FAM149A: variants seen among roughly 807,000 people sequenced by gnomAD.
The protein encoded by FAM149A is family with sequence similarity 149 member A.
FAM149A carries 71 observed loss-of-function variants against 78.2 expected under a neutral mutation model. The ratio of observed to expected loss-of-function variants is 0.91; its 90% CI spans 0.75 to 1.11. The LOEUF (loss-of-function observed/expected upper bound fraction) is 1.11, where lower values mean the gene tolerates loss of function less well. Ranked by LOEUF, FAM149A falls within the 50% of genes least tolerant of loss-of-function variation. FAM149A has a pLI of 0.00. For missense variants in FAM149A, 1,036 were observed against 971.0 expected (o/e 1.07, Z -0.89); for synonymous variants, 446 against 410.5 (o/e 1.09, Z -1.04).
intron 1 of FAM149A, chr4:186,110,160 AATGG>A: frequency 1.0e-6 from 1 of 985,422 alleles, no homozygotes; most frequent in Non-Finnish European, 1.2e-6. Flanking sequence ...ATATTTATTG[AATGG>A]ATGAAGAAAA....
Position 186,175,197 on chromosome 4 carries a change from A to G in FAM149A, c.*3210A>G, listed in dbSNP as rs6825250. ...AAGTACGTTTTTATATATCATTTGG[A>G]TATTATATTTTTTATTGTTTTATTA... On this transcript the variant is annotated 3_prime_UTR_variant, in exon 14 of 14. Coordinates refer to ENST00000389354, the MANE Select transcript of FAM149A (RefSeq NM_001367768.3). Among the ~76,000 whole-genome samples, 32,518 of 110,666 alleles carry G rather than the reference A, an allele frequency of 0.29. 12,731 individuals carry two copies. Among genetic ancestry groups the G allele is most frequent in the African/African-American group, 0.68 (23,961 of 35,294 alleles). 72.6% of individuals were successfully genotyped at this position (110,666 alleles called of 152,430 possible).
chr4:186,105,452 C>T lies in FAM149A; in HGVS notation c.376C>T (p.Pro126Ser). 8.2e-7 allele frequency: 1 copy of T among 1,215,330 alleles called. No homozygotes were observed. The highest frequency in any genetic ancestry group is 1.7e-5 in the African/African-American group (1 of 60,590). 75.3% of individuals were successfully genotyped at this position (1,215,330 alleles called of 1,614,324 possible). The stretch of plus-strand genomic sequence containing the variant: ...CTGCTCCCCTGCTCGCCTGGTGGTC[C>T]CAGCGCGGCCGCCCTCGGGCCCCGG... The change falls in exon 1 of 14, where the codon CCA becomes TCA. Residue 126 changes from proline (P) to serine (S), a missense_variant. This residue lies in a region of FAM149A where 316 missense variants were observed against 241.9 expected (regional missense o/e 1.31). Transcript: ENST00000389354.
intron 3 of FAM149A, chr4:186,151,636 CTA>C (rs1208842469): frequency 1.4e-6 from 1 of 691,490 alleles, no homozygotes; most frequent in Admixed American, 6.3e-5. Context: ...ATACCTCTAT[CTA>C]TGCAAATTCT....
intron 1 of FAM149A, among the ~76,000 whole-genome samples, chr4:186,138,571 C>G (rs150156703): frequency 5.9e-5 from 9 of 152,276 alleles, no homozygotes; most frequent in African/African-American, 2.2e-4. Flanking sequence ...GTCACGTCTC[C>G]TCAGTGTCCT....
chr4:186,154,041 G>T (rs763068520), intron 5 of FAM149A, among the ~76,000 whole-genome samples: 1 of 152,140 alleles, frequency 6.6e-6, no homozygotes, highest in Non-Finnish European at 1.5e-5. Context: ...TTCCAAAGGC[G>T]CTGTGAAAGG....
At chr4:186,153,874 A>T (rs913344574) in intron 5 of FAM149A, 104 bp downstream of exon 5, 1 of 1,333,964 alleles carries the variant, frequency 7.5e-7, no homozygotes, top group African/African-American at 1.5e-5. Flanking sequence ...CCATTTTGGA[A>T]ATTTAGATTC....
intron 1 of FAM149A, among the ~76,000 whole-genome samples, chr4:186,139,844 T>C (rs1302121914): frequency 2.0e-5 from 3 of 152,246 alleles, no homozygotes; most frequent in East Asian, 1.9e-4. Context: ...AGTTCTGATA[T>C]GCACAAGTTT....
intron 8 of FAM149A, chr4:186,158,284 C>G: frequency 8.2e-7 from 1 of 1,224,964 alleles, no homozygotes; most frequent in Non-Finnish European, 1.0e-6. Flanking sequence ...ACCAGCCTCT[C>G]AGAGAGGCGT....
rs1033129365 is a variant in FAM149A at position 186,163,598 on chromosome 4, C to T, written c.1854C>T (p.Asn618=). ...ATTCACAGAGACTAAAAACTCCCAA[C>T]ATCTATAGTGACGAAGTTCTTCGGG... The change falls in exon 10 of 14, where the codon AAC becomes AAT. Residue 618 remains asparagine, a synonymous_variant. Coordinates refer to ENST00000389354, the MANE Select transcript of FAM149A (RefSeq NM_001367768.3). 4.3e-6 allele frequency: 7 copies of T among 1,614,046 alleles called. No homozygotes were observed. In the Admixed American group the frequency reaches 5.0e-5, roughly 12 times the overall value.
chr4:186,167,485 G>T, intron 13 of FAM149A: 3 of 522,028 alleles, frequency 5.7e-6, no homozygotes, highest in South Asian at 3.5e-5. Flanking sequence ...ATGTCCAAAA[G>T]CTCTCAATGA....
rs1238870675 is a variant in FAM149A at position 186,154,539 on chromosome 4, C to T, written c.1130C>T (p.Thr377Ile). ...TCTGCCCTGCCAGGCCCTGATGACA[C>T]AGGGGTTGCTGACCTAACGGCACGT... is the stretch of plus-strand genomic sequence containing the variant. The change falls in exon 6 of 14, where the codon ACA becomes ATA. Residue 377 changes from threonine (T) to isoleucine (I), a missense_variant. Thr to Ile is a moderately conservative substitution (Grantham distance 89). Around this residue, in one of 3 missense-constraint regions of FAM149A, gnomAD observed 716 missense variants for 711.8 expected, o/e 1.01. Coordinates refer to ENST00000389354, the MANE Select transcript of FAM149A (RefSeq NM_001367768.3). 2 of 1,614,150 alleles carry T rather than the reference C, an allele frequency of 1.2e-6. No homozygotes were observed. Among genetic ancestry groups the T allele is most frequent in the Non-Finnish European group, 1.7e-6 (2 of 1,180,008 alleles).
intron 1 of FAM149A, chr4:186,126,798 C>T (rs2099318515): frequency 1.3e-6 from 1 of 788,758 alleles, no homozygotes; most frequent in African/African-American, 1.9e-5. Context: ...TTGCGTGAGC[C>T]TGTTCCCCTA....
chr4:186,105,842 T>C (rs565962406), intron 1 of FAM149A, among the ~76,000 whole-genome samples, 200 bp downstream of exon 1: 19 of 152,354 alleles, frequency 1.2e-4, no homozygotes, highest in South Asian at 1.0e-3. Flanking sequence ...AGCTGTGACA[T>C]GCTTTGTCCA....
At chr4:186,136,277 C>T (rs1489306047) in intron 1 of FAM149A, among the ~76,000 whole-genome samples, 1 of 152,056 alleles carries the variant, frequency 6.6e-6, no homozygotes, top group Non-Finnish European at 1.5e-5. Context: ...TTTTGTAAAA[C>T]AGTTTTTAGA....
In FAM149A at chr4:186,164,838, T is replaced by G. The variant is rs1306980724; in HGVS notation, c.1890-506T>G. 2.0e-4 allele frequency among the ~76,000 whole-genome samples: 31 copies of G among 152,184 alleles called. No individual in the cohort carries two copies. The highest frequency in any genetic ancestry group is 2.0e-3 in the Admixed American group (30 of 15,280). ...CTGTGGGCTGCTGATTTTTCAGCTT[T>G]CTTTTTATTATTGCCACCCTGAGGA... is the stretch of plus-strand genomic sequence containing the variant. On this transcript the variant is annotated intron_variant, in intron 10 of 13. Coordinates refer to ENST00000389354, the MANE Select transcript of FAM149A (RefSeq NM_001367768.3). This position sits in a 1 kb window ranked among gnomAD's most constrained non-coding sequence, Gnocchi z 4.0.
At chr4:186,140,697 T>A (rs1357960989) in intron 1 of FAM149A, among the ~76,000 whole-genome samples, 2 of 152,206 alleles carry the variant, frequency 1.3e-5, no homozygotes, top group Non-Finnish European at 2.9e-5. Flanking sequence ...GCCATTAAAA[T>A]GTAAAACACT....
chr4:186,154,413 A>G, intron 5 of FAM149A, 55 bp from the exon 6 acceptor site: 1 of 1,439,680 alleles, frequency 6.9e-7, no homozygotes, highest in Non-Finnish European at 9.6e-7. Flanking sequence ...TCGTTTAAGC[A>G]TTGCGTTCTT....
intron 1 of FAM149A, among the ~76,000 whole-genome samples, chr4:186,131,616 C>T (rs530305897): frequency 4.5e-4 from 69 of 152,274 alleles, no homozygotes; most frequent in Admixed American, 1.2e-3. Flanking sequence ...ATAAATAGTG[C>T]GGAACCAACT....
At position 186,117,658 on chromosome 4, in the gene FAM149A, C is replaced by T. The variant is rs531907328; in HGVS notation, c.566+12016C>T. On this transcript the variant is annotated intron_variant, in intron 1 of 13. Coordinates refer to ENST00000389354, the MANE Select transcript of FAM149A (RefSeq NM_001367768.3). ...TTAGGAGCACAGCTGTTGTGAAAAG[C>T]GTTAAAACTAGGGAGAGCCTGGATA... The T allele has an allele frequency of 2.1e-4, 207 of 985,048 alleles. No individual in the cohort carries two copies. In the South Asian group the frequency reaches 2.3e-3, roughly 11 times the overall value. 61.0% of individuals were successfully genotyped at this position (985,048 alleles called of 1,614,324 possible).
Sources: gnomAD v4.1 joint callset for allele counts (sites outside exome capture counted in the v4.1 genomes callset) on GRCh38, gnomAD v4.1.1 for gene constraint, gnomAD v4.1.1 regional missense constraint, Gnocchi (gnomAD v3.1) non-coding constraint, MANE v1.5 for transcripts, NCBI Gene and HGNC (gene_info 2026-07-23, HGNC 2026-07-21) for gene names.